The following EPB41 variants were observed in gnomAD, a reference collection of about 807,000 sequenced individuals.
The protein encoded by EPB41 is protein 4.1.
Under a neutral mutation model 108.0 loss-of-function variants are expected in EPB41, and 65 were observed. That is an observed-to-expected ratio of 0.60 (90% CI 0.49 to 0.74). The LOEUF (loss-of-function observed/expected upper bound fraction) is 0.74. EPB41 is among the 30% of genes least tolerant of loss of function. The pLI, the probability that EPB41 is intolerant of heterozygous loss-of-function variation, is 0.00. For missense variants in EPB41, 875 were observed against 1,037.0 expected (o/e 0.84, Z 2.15); for synonymous variants, 336 against 358.9 (o/e 0.94, Z 0.72).
chr1:29,018,466 TC>T lies in EPB41; in HGVS notation c.1124+25del, dbSNP rs766661378. On this transcript the variant is annotated intron_variant, in intron 7 of 20. Transcript: ENST00000343067. This position sits in a 1 kb window ranked among gnomAD's most constrained non-coding sequence, Gnocchi z 4.4. ...AGGTGAATATGTCTCCAGGGTTTGTTCGGTGTTTGTTTTGGCGATTAGTTTA... is the reference window on the plus strand; with the variant it reads ...AGGTGAATATGTCTCCAGGGTTTGTTGGTGTTTGTTTTGGCGATTAGTTTA... 6.3e-7 allele frequency: 1 copy of T among 1,596,936 alleles called. No homozygotes were observed. Among genetic ancestry groups the T allele is most frequent in the East Asian group, 2.3e-5 (1 of 44,302 alleles).
chr1:28,890,042 TATTTTG>T (rs1209928871), intron 1 of EPB41, among the ~76,000 whole-genome samples: 3 of 151,772 alleles, frequency 2.0e-5, no homozygotes, highest in Non-Finnish European at 4.4e-5. Flanking sequence ...TATTTTATTT[TATTTTG>T]TTTTTTTGAG....
At chr1:28,916,958 T>C (rs1265353420) in intron 1 of EPB41, among the ~76,000 whole-genome samples, 1 of 151,818 alleles carries the variant, frequency 6.6e-6, no homozygotes, top group African/African-American at 2.4e-5. Context: ...GCTTGGCTAA[T>C]GTCTTTTTAT....
chr1:29,046,086 TATACTC>T (rs1643110022), intron 11 of EPB41, among the ~76,000 whole-genome samples: 1 of 152,086 alleles, frequency 6.6e-6, no homozygotes, highest in Admixed American at 6.6e-5. Flanking sequence ...AGTTTGACCT[TATACTC>T]AGTAATCTTA....
Position 29,115,458 on chromosome 1 carries a change from T to C in EPB41, c.2497-241T>C, listed in dbSNP as rs970061707. Among the ~76,000 whole-genome samples the C allele has an allele frequency of 4.0e-5, 6 of 151,872 alleles. No individual in the cohort carries two copies. Among genetic ancestry groups the C allele is most frequent in the Non-Finnish European group, 7.4e-5 (5 of 67,952 alleles). On this transcript the variant is annotated intron_variant, in intron 19 of 20. Coordinates refer to ENST00000343067, the MANE Select transcript of EPB41 (RefSeq NM_001376013.1). This position sits in a 1 kb window ranked among gnomAD's most constrained non-coding sequence, Gnocchi z 4.4. Reference sequence around the variant, plus strand: ...ACAGATACAGCTATGACCCCCGAAGTCCCTCTCCAGTTCCTAGAAGACAGC... The same window carrying C: ...ACAGATACAGCTATGACCCCCGAAGCCCCTCTCCAGTTCCTAGAAGACAGC...
intron 16 of EPB41, chr1:29,071,227 G>C (rs1247132463): frequency 6.6e-6 from 1 of 152,158 alleles, no homozygotes; most frequent in Admixed American, 6.5e-5. Flanking sequence ...GCTGTACAGG[G>C]ACAGACAACT....
rs1571990233 is a variant in EPB41, at chr1:28,987,447, G to A, written c.10G>A (p.Glu4Lys). 1.2e-6 allele frequency: 2 copies of A among 1,614,162 alleles called. No individual in the cohort carries two copies. Among genetic ancestry groups the A allele is most frequent in the Non-Finnish European group, 1.7e-6 (2 of 1,180,014 alleles). MTT[E>K]KSLVTEAENS... Reference sequence around the variant, plus strand: ...TTTTAATAGCAACATCATGACAACAGAGAAGAGTTTAGTGACTGAGGCCGA... The same window carrying A: ...TTTTAATAGCAACATCATGACAACAAAGAAGAGTTTAGTGACTGAGGCCGA... Residue 4 changes from glutamate (E) to lysine (K), a missense_variant, in exon 2 of 21, where the codon GAG (glutamate) becomes AAG (lysine). Physicochemically the swap from Glu to Lys is moderately conservative, Grantham distance 56 (BLOSUM62 1). Transcript: ENST00000343067.
intron 1 of EPB41, among the ~76,000 whole-genome samples, chr1:28,915,731 C>CTTTTTTTTTTTTTTTTT (rs11321625): frequency 1.8e-5 from 1 of 56,074 alleles, no homozygotes; most frequent in African/African-American, 7.8e-5. Flanking sequence ...TTTTCAGATG[C>CTTTTTTTTTTTTTTTTT]TTTTTTTTTT....
At chr1:28,927,441 A>G (rs1319493237) in intron 1 of EPB41, among the ~76,000 whole-genome samples, 1 of 152,190 alleles carries the variant, frequency 6.6e-6, no homozygotes, top group African/African-American at 2.4e-5. Context: ...TAATATCATT[A>G]TATTTGGACT....
At chr1:28,957,850 A>G (rs920763147) in intron 1 of EPB41, among the ~76,000 whole-genome samples, 3 of 152,174 alleles carry the variant, frequency 2.0e-5, no homozygotes, top group African/African-American at 7.2e-5. Flanking sequence ...TACCGTCTTC[A>G]TACTCCTCTA....
intron 1 of EPB41, among the ~76,000 whole-genome samples, chr1:28,957,074 GA>G (rs2094981425): frequency 6.6e-6 from 1 of 152,252 alleles, no homozygotes; most frequent in Admixed American, 6.5e-5. Flanking sequence ...GTTGAATCTG[GA>G]GTAAGTCAGC....
chr1:28,992,261 C>A (rs4360499), intron 2 of EPB41, among the ~76,000 whole-genome samples: 26,032 of 152,130 alleles, frequency 0.17, 2,761 homozygotes, highest in East Asian at 0.47. Flanking sequence ...TAATTGTCAA[C>A]CATGCATTCT....
chr1:28,948,443 A>G (rs2094567964), intron 1 of EPB41, among the ~76,000 whole-genome samples: 1 of 147,658 alleles, frequency 6.8e-6, no homozygotes, highest in African/African-American at 2.5e-5. Flanking sequence ...CGAGAGGCAG[A>G]GCTTGCAGTG....
At chr1:29,059,613 AAAAAAT>A (rs1357303070) in intron 14 of EPB41, among the ~76,000 whole-genome samples, 1 of 151,912 alleles carries the variant, frequency 6.6e-6, no homozygotes, top group East Asian at 1.9e-4. Context: ...CCATCTCTTC[AAAAAAT>A]AAAAATAAAT....
chr1:28,975,958 A>G (rs199553119), intron 1 of EPB41, among the ~76,000 whole-genome samples: 47 of 140,188 alleles, frequency 3.4e-4, no homozygotes, highest in African/African-American at 4.2e-4. Context: ...AAAAAAAAAA[A>G]AAAGAAAGAA....
intron 1 of EPB41, among the ~76,000 whole-genome samples, chr1:28,945,187 A>G (rs1439091610): frequency 1.3e-5 from 2 of 152,040 alleles, no homozygotes; most frequent in Non-Finnish European, 2.9e-5. Context: ...CTTACTAATA[A>G]TGATATAAAC....
At chr1:28,943,969 C>T (rs1427198490) in intron 1 of EPB41, among the ~76,000 whole-genome samples, 1 of 152,146 alleles carries the variant, frequency 6.6e-6, no homozygotes, top group East Asian at 1.9e-4. Context: ...CCTAAGTGTC[C>T]ATCAACAGAT....
intron 16 of EPB41, among the ~76,000 whole-genome samples, chr1:29,095,288 T>A (rs1474955697): frequency 6.6e-6 from 1 of 152,162 alleles, no homozygotes; most frequent in Non-Finnish European, 1.5e-5. Context: ...AGCTGCTGGG[T>A]CATTTTAATT....
Position 28,963,385 on chromosome 1 carries a change from G to GTGTC in EPB41, c.-7-24043_-7-24042insCTGT, listed in dbSNP as rs1553195277. On this transcript the variant is annotated intron_variant, in intron 1 of 20. Transcript: ENST00000343067. ...TGTGTGTGTGTGTGTGTGTGTGTCT[G>GTGTC]TGTGTGATTTTAGCCTTGTATGACC... 9.0e-4 allele frequency among the ~76,000 whole-genome samples: 136 copies of GTGTC among 150,432 alleles called. 1 individual carries two copies. Among genetic ancestry groups the GTGTC allele is most frequent in the African/African-American group, 3.3e-3 (133 of 40,656 alleles).
At chr1:29,047,611 A>G (rs922990728) in intron 11 of EPB41, among the ~76,000 whole-genome samples, 2 of 152,168 alleles carry the variant, frequency 1.3e-5, no homozygotes, top group African/African-American at 4.8e-5. Context: ...ATATTTACAT[A>G]AAGCTGGGTA....
Sources: gnomAD v4.1 joint callset for allele counts (sites outside exome capture counted in the v4.1 genomes callset) on GRCh38, gnomAD v4.1.1 for gene constraint, Gnocchi (gnomAD v3.1) non-coding constraint, MANE v1.5 for transcripts, NCBI Gene and HGNC (gene_info 2026-07-23, HGNC 2026-07-21) for gene names.